KIAA0825: variants seen among roughly 807,000 people sequenced by gnomAD.
KIAA0825 encodes uncharacterized protein KIAA0825.
In KIAA0825, 119 loss-of-function variants were observed where a neutral mutation model predicts 147.6. That is an observed-to-expected ratio of 0.81 (90% CI 0.69 to 0.94). The LOEUF is 0.94. KIAA0825 is among the 40% of genes least tolerant of loss of function. The pLI is 0.00. For synonymous variants in KIAA0825, 470 were observed against 518.1 expected, an observed-to-expected ratio of 0.91 and a Z score of 1.26; for missense variants, 1,381 against 1,472.7, an observed-to-expected ratio of 0.94 and a Z score of 1.02.
chr5:94,349,261 T>C (rs185000381), intron 20 of KIAA0825, among the ~76,000 whole-genome samples: 162 of 152,268 alleles, frequency 1.1e-3, no homozygotes, highest in African/African-American at 3.9e-3. Context: ...CCTAAATATA[T>C]ATGCACCTAA....
chr5:94,230,345 T>A (rs958556577), intron 20 of KIAA0825, among the ~76,000 whole-genome samples: 28 of 152,168 alleles, frequency 1.8e-4, no homozygotes, highest in African/African-American at 6.8e-4. Context: ...CTATATCCTA[T>A]GGAGGAGGAA....
chr5:94,439,481 AT>A (rs1381893792), intron 14 of KIAA0825, among the ~76,000 whole-genome samples: 3 of 152,276 alleles, frequency 2.0e-5, no homozygotes, highest in African/African-American at 7.2e-5. Context: ...TCCATTCAGA[AT>A]TTTCTGATGA....
At chr5:94,584,975 C>T (rs2152374882) in intron 1 of KIAA0825, among the ~76,000 whole-genome samples, 1 of 152,286 alleles carries the variant, frequency 6.6e-6, no homozygotes, top group Middle Eastern at 3.4e-3. Context: ...AAATCCTTTA[C>T]AGACAAACAA....
intron 12 of KIAA0825, among the ~76,000 whole-genome samples, chr5:94,457,714 T>C (rs1237198731): frequency 6.6e-6 from 1 of 152,216 alleles, no homozygotes. Context: ...TAAAAACCAA[T>C]GCACATCAAA....
At chr5:94,538,315 C>T (rs1356819161) in intron 2 of KIAA0825, among the ~76,000 whole-genome samples, 2 of 152,152 alleles carry the variant, frequency 1.3e-5, no homozygotes, top group African/African-American at 4.8e-5. Context: ...GAGGAGGTGA[C>T]ATTTGAGAAG....
chr5:94,319,006 T>A (rs563937095), intron 20 of KIAA0825, among the ~76,000 whole-genome samples: 2 of 151,810 alleles, frequency 1.3e-5, no homozygotes, highest in Admixed American at 6.6e-5. Flanking sequence ...GTAAGGAAGA[T>A]ATATTTCTGT....
chr5:94,444,840 A>G (rs1757535493), intron 13 of KIAA0825, among the ~76,000 whole-genome samples: 1 of 152,156 alleles, frequency 6.6e-6, no homozygotes, highest in Non-Finnish European at 1.5e-5. Flanking sequence ...GGTTAGGGCC[A>G]TAGAAGACAT....
intron 20 of KIAA0825, among the ~76,000 whole-genome samples, chr5:94,301,138 G>A (rs975701276): frequency 6.6e-6 from 1 of 152,124 alleles, no homozygotes; most frequent in Non-Finnish European, 1.5e-5. Flanking sequence ...ATTTGAGATT[G>A]AGTTAATGCT....
Position 94,523,991 on chromosome 5 carries a change from T to G in KIAA0825, c.239A>C (p.Tyr80Ser). The change falls in exon 4 of 21, where the codon TAC becomes TCC. Residue 80 changes from tyrosine (Y) to serine (S), a missense_variant. Physicochemically the swap from Tyr to Ser is moderately radical, Grantham distance 144. Coordinates refer to ENST00000682413, the MANE Select transcript of KIAA0825 (RefSeq NM_001145678.3). The stretch of plus-strand genomic sequence containing the variant: ...AATGAAAGATGATTCAGATGTACTG[T>G]AATTATAGTTAGTTAGCCATTCAAA... ...DCFEWLTNYN[Y>S]STSESSFISH... is the part of the protein sequence containing the mutation. 1 of 1,609,338 alleles carries G rather than the reference T, an allele frequency of 6.2e-7. No homozygotes were observed. The highest frequency in any genetic ancestry group is 8.5e-7 in the Non-Finnish European group (1 of 1,176,764).
chr5:94,158,063 C>A (rs971586582), intron 20 of KIAA0825, among the ~76,000 whole-genome samples: 2 of 152,104 alleles, frequency 1.3e-5, no homozygotes, highest in Non-Finnish European at 2.9e-5. Context: ...TGAATAAGAG[C>A]ACAGGCCCTA....
At chr5:94,503,545 C>T (rs775002618) in intron 5 of KIAA0825, among the ~76,000 whole-genome samples, 2 of 152,144 alleles carry the variant, frequency 1.3e-5, no homozygotes, top group Non-Finnish European at 2.9e-5. Context: ...TGAGACCCCA[C>T]TGCCTTACAA....
At chr5:94,359,641 A>T (rs1173470363) in intron 20 of KIAA0825, among the ~76,000 whole-genome samples, 1 of 152,226 alleles carries the variant, frequency 6.6e-6, no homozygotes, top group Non-Finnish European at 1.5e-5. Context: ...GTGCTGGACC[A>T]TGAGGCAGAG....
chr5:94,584,709 G>T (rs576584658), intron 1 of KIAA0825, among the ~76,000 whole-genome samples: 1 of 152,056 alleles, frequency 6.6e-6, no homozygotes, highest in African/African-American at 2.4e-5. Context: ...GATACTCCTC[G>T]AGAAGAGCAA....
chr5:94,205,268 C>CATATATATATATAT (rs5869623), intron 20 of KIAA0825, among the ~76,000 whole-genome samples: 1,199 of 89,992 alleles, frequency 0.013, 13 homozygotes, highest in African/African-American at 0.023. Flanking sequence ...ACTATTTAAT[C>CATATATATATATAT]ATATATATAT....
intron 20 of KIAA0825, among the ~76,000 whole-genome samples, chr5:94,382,204 C>T (rs578224260): frequency 6.6e-6 from 1 of 152,238 alleles, no homozygotes; most frequent in South Asian, 2.1e-4. Context: ...ACCCCAAACA[C>T]CATAGTTGGT....
chr5:94,603,132 T>C (rs1309279475), intron 1 of KIAA0825, among the ~76,000 whole-genome samples: 2 of 151,896 alleles, frequency 1.3e-5, no homozygotes, highest in Non-Finnish European at 2.9e-5. Flanking sequence ...TGGCCTCGGG[T>C]ATGTCCTTAT....
At chr5:94,516,448 A>C (rs1228226879) in intron 5 of KIAA0825, among the ~76,000 whole-genome samples, 2 of 152,248 alleles carry the variant, frequency 1.3e-5, no homozygotes, top group Admixed American at 6.5e-5. Flanking sequence ...AATCATTATC[A>C]ATAAAAAAGA....
Position 94,174,315 on chromosome 5 carries a change from C to T in KIAA0825, c.3711-20191G>A, listed in dbSNP as rs373019337. Among the ~76,000 whole-genome samples the T allele has an allele frequency of 1.4e-3, 216 of 152,204 alleles. 9 individuals carry two copies. The South Asian group carries it at 0.043, about 31-fold the overall frequency. On this transcript the variant is annotated intron_variant, in intron 20 of 20. Coordinates refer to ENST00000682413, the MANE Select transcript of KIAA0825 (RefSeq NM_001145678.3). The stretch of plus-strand genomic sequence containing the variant: ...CTCTAAGCACATTTTGCTTGCATTC[C>T]TTCCTTGTTTCTCATTTAATAAATG...
intron 14 of KIAA0825, among the ~76,000 whole-genome samples, chr5:94,439,454 T>C (rs1015182808): frequency 2.0e-5 from 3 of 152,200 alleles, no homozygotes; most frequent in Non-Finnish European, 4.4e-5. Context: ...AGTATGGTCT[T>C]ATACTACTCC....
Sources: allele counts gnomAD v4.1 joint callset (sites outside exome capture counted in the v4.1 genomes callset), GRCh38; gene constraint gnomAD v4.1.1; transcripts MANE v1.5; gene names NCBI Gene and HGNC (gene_info 2026-07-23, HGNC 2026-07-21).